PIK3R6: variants seen among roughly 807,000 people sequenced by gnomAD.
PIK3R6 encodes phosphoinositide 3-kinase regulatory subunit 6.
PIK3R6 carries 91 observed loss-of-function variants against 84.9 expected under a neutral mutation model. The ratio of observed to expected loss-of-function variants is 1.07; its 90% CI spans 0.90 to 1.28. The LOEUF (loss-of-function observed/expected upper bound fraction) is 1.28. Among genes scored for constraint, PIK3R6 ranks in the 50% most tolerant of loss-of-function variants. The pLI, the probability that PIK3R6 is intolerant of heterozygous loss-of-function variation, is 0.00. For missense variants in PIK3R6, 996 were observed against 985.1 expected, an observed-to-expected ratio of 1.01 and a Z score of -0.15; for synonymous variants, 416 against 411.4, an observed-to-expected ratio of 1.01 and a Z score of -0.13.
In PIK3R6 at chr17:8,839,843, G is replaced by A; in HGVS notation, c.14-146C>T. The stretch of plus-strand genomic sequence containing the variant: ...TCGACTTAGAGCTGGCAGCCAGCAT[G>A]CCAGCCAGGGCTGGAATATAGCCTT... On this transcript the variant is annotated intron_variant, in intron 2 of 19. Transcript: ENST00000619866. The surrounding 1 kb of genome is among the most constrained non-coding windows in gnomAD (Gnocchi z 4.2). 1.7e-6 allele frequency: 1 copy of A among 603,654 alleles called. No individual in the cohort carries two copies. Among genetic ancestry groups the A allele is most frequent in the Non-Finnish European group, 2.8e-6 (1 of 350,922 alleles). The allele number at this position is 603,654 out of a possible 1,614,324, so 37.4% of individuals were successfully genotyped here. A position where few individuals can be genotyped will look rare whatever the true frequency, so the allele number is the denominator to read the frequency against.
At chr17:8,840,775 C>T (rs1001202014) in intron 2 of PIK3R6, among the ~76,000 whole-genome samples, 15 of 141,088 alleles carry the variant, frequency 1.1e-4, no homozygotes, top group African/African-American at 3.2e-4. Flanking sequence ...GTGTGTGAGA[C>T]GGAGTCTAAC....
At chr17:8,814,215 CTTT>C (rs112750429) in intron 18 of PIK3R6, among the ~76,000 whole-genome samples, 8 of 85,534 alleles carry the variant, frequency 9.4e-5, no homozygotes, top group African/African-American at 1.9e-4. Flanking sequence ...AGAGAGAGAT[CTTT>C]TTTTTTTTTT....
chr17:8,816,958 G>A (rs2087561593), intron 18 of PIK3R6, among the ~76,000 whole-genome samples: 1 of 152,132 alleles, frequency 6.6e-6, no homozygotes, highest in African/African-American at 2.4e-5. Flanking sequence ...TAAGGAAATT[G>A]CTCACACTAC....
chr17:8,829,103 A>G, intron 10 of PIK3R6, 113 bp from the exon 11 acceptor site: 1 of 1,023,270 alleles, frequency 9.8e-7, no homozygotes, highest in Non-Finnish European at 1.4e-6. Context: ...AGACAGACAC[A>G]TAAAGACACA....
chr17:8,857,370 G>C (rs951051507), intron 1 of PIK3R6, among the ~76,000 whole-genome samples: 2 of 152,212 alleles, frequency 1.3e-5, no homozygotes, highest in African/African-American at 4.8e-5. Flanking sequence ...ACCAGGGCTA[G>C]AGCCCAGATC....
At chr17:8,819,006 C>A (rs1027046517) in intron 18 of PIK3R6, 77 bp downstream of exon 18, 5 of 1,094,834 alleles carry the variant, frequency 4.6e-6, no homozygotes, top group African/African-American at 1.6e-5. Context: ...TCTCTGAATG[C>A]CCTCCCCTCT....
At chr17:8,829,592 ACT>A (rs1179797939) in intron 10 of PIK3R6, 112 bp downstream of exon 10, 21 of 1,076,458 alleles carry the variant, frequency 2.0e-5, no homozygotes, top group African/African-American at 3.4e-5. Flanking sequence ...ACTGACACAC[ACT>A]CATGCATACA....
At position 8,828,039 on chromosome 17, in the gene PIK3R6, C is replaced by T. The variant is rs1045012265; in HGVS notation, c.1392+73G>A. 23 of 1,463,460 alleles carry T rather than the reference C, an allele frequency of 1.6e-5. No homozygotes were observed. The African/African-American group carries it at 2.1e-4, about 13-fold the overall frequency. 90.7% of individuals were successfully genotyped at this position (1,463,460 alleles called of 1,614,324 possible). A position where few individuals can be genotyped will look rare whatever the true frequency, so the allele number is the denominator to read the frequency against. ...CCCTGAGCCGGGGATGTGGGGGATG[C>T]GGGGCTGCAGGTGTGTCCCTGCCCA... is the stretch of plus-strand genomic sequence containing the variant. On this transcript the variant is annotated intron_variant, in intron 12 of 19. Coordinates refer to ENST00000619866, the MANE Select transcript of PIK3R6 (RefSeq NM_001010855.4).
rs1333418856 is a variant in PIK3R6 at position 8,839,140 on chromosome 17, G to C, written c.97+474C>G. Among the ~76,000 whole-genome samples, 1 of 152,138 alleles carries C rather than the reference G, an allele frequency of 6.6e-6. No individual in the cohort carries two copies. Among genetic ancestry groups the C allele is most frequent in the Non-Finnish European group, 1.5e-5 (1 of 68,030 alleles). ...AGACAGGCGGGTCACTTGCGGTCAG[G>C]AGTTCGAGACCAACCTGGCCAACAT... On this transcript the variant is annotated intron_variant, in intron 3 of 19. Coordinates refer to ENST00000619866, the MANE Select transcript of PIK3R6 (RefSeq NM_001010855.4). The surrounding 1 kb of genome is among the most constrained non-coding windows in gnomAD (Gnocchi z 4.2).
chr17:8,851,317 G>A (rs969642279), intron 1 of PIK3R6, among the ~76,000 whole-genome samples: 1 of 152,142 alleles, frequency 6.6e-6, no homozygotes, highest in Non-Finnish European at 1.5e-5. Context: ...CTAACATGGT[G>A]AAACCCTGTC....
rs762919741 is a variant in PIK3R6 at position 8,828,559 on chromosome 17, G to T, written c.1313+8C>A. ...CGCCCACCCCCAGCCCCCACGTCGG[G>T]GCCCCACCTGAGTCTGTGGTAGGCC... On this transcript the variant is annotated splice_region_variant and intron_variant, in intron 11 of 19. Transcript: ENST00000619866. The T allele has an allele frequency of 1.9e-6, 3 of 1,611,118 alleles. No individual in the cohort carries two copies. The South Asian group carries it at 3.3e-5, about 18-fold the overall frequency.
intron 17 of PIK3R6, among the ~76,000 whole-genome samples, chr17:8,821,406 C>T (rs979881308): frequency 3.0e-4 from 45 of 151,052 alleles, no homozygotes; most frequent in African/African-American, 9.7e-4. Flanking sequence ...TAATCCGTAT[C>T]GCCATCCTTT....
Position 8,827,997 on chromosome 17 carries a change from A to G in PIK3R6, c.1392+115T>C. 5 of 1,100,628 alleles carry G rather than the reference A, an allele frequency of 4.5e-6. No homozygotes were observed. The South Asian group carries it at 7.1e-5, about 16-fold the overall frequency. 68.2% of individuals were successfully genotyped at this position (1,100,628 alleles called of 1,614,324 possible). ...ACCTCTCTCCCGCCTCCACATTCTA[A>G]GGATGCTTACTCTAGTCCCTGAGCC... On this transcript the variant is annotated intron_variant, in intron 12 of 19. Transcript: ENST00000619866.
Position 8,828,955 on chromosome 17 carries a change from G to C in PIK3R6, c.925C>G (p.Gln309Glu). 3 of 1,503,668 alleles carry C rather than the reference G, an allele frequency of 2.0e-6. No homozygotes were observed. The highest frequency in any genetic ancestry group is 1.3e-5 in the South Asian group (1 of 74,374). 93.1% of individuals were successfully genotyped at this position (1,503,668 alleles called of 1,614,324 possible). A position where few individuals can be genotyped will look rare whatever the true frequency, so the allele number is the denominator to read the frequency against. The change falls in exon 11 of 20, where the codon CAG (glutamine) becomes GAG (glutamate). Residue 309 changes from glutamine to glutamate, a missense_variant. Coordinates refer to ENST00000619866, the MANE Select transcript of PIK3R6 (RefSeq NM_001010855.4). ...TCCAAGTCAGCACTGAGGCGCAGCT[G>C]GGATCTTGGGCGGAGGAAGAGCACC... ...ELVLFLRPRS[Q>E]LRLSADLEVL...
chr17:8,819,887 C>G (rs1597387481), intron 17 of PIK3R6, among the ~76,000 whole-genome samples: 1 of 145,192 alleles, frequency 6.9e-6, no homozygotes, highest in Non-Finnish European at 1.5e-5. Context: ...TATACACACA[C>G]ACGTATATAT....
intron 13 of PIK3R6, among the ~76,000 whole-genome samples, chr17:8,825,230 G>A (rs953664006): frequency 3.3e-5 from 5 of 152,146 alleles, no homozygotes; most frequent in African/African-American, 4.8e-5. Flanking sequence ...TGCTCCTAGA[G>A]AGAAAAACTC....
intron 1 of PIK3R6, among the ~76,000 whole-genome samples, chr17:8,855,231 CAATAA>C (rs1218233806): frequency 1.8e-5 from 2 of 108,774 alleles, no homozygotes; most frequent in Admixed American, 9.4e-5. Context: ...AACAAAACAA[CAATAA>C]AATAAAATAA....
In PIK3R6 at chr17:8,849,775, C is replaced by A; in HGVS notation, c.13+7G>T. 1 of 1,611,916 alleles carries A rather than the reference C, an allele frequency of 6.2e-7. No individual in the cohort carries two copies. Among genetic ancestry groups the A allele is most frequent in the South Asian group, 1.1e-5 (1 of 90,560 alleles). ...TCACTAGACCCCTTTCCCCCCACCACACTGACCTGAGCTCTCCATGGGAGC... is the reference window on the plus strand; with the variant it reads ...TCACTAGACCCCTTTCCCCCCACCAAACTGACCTGAGCTCTCCATGGGAGC... On this transcript the variant is annotated splice_region_variant and intron_variant, in intron 2 of 19. Transcript: ENST00000619866.
chr17:8,829,574 ACAGACACACT>A lies in PIK3R6; in HGVS notation c.889+122_889+131del, dbSNP rs1234035952. On this transcript the variant is annotated intron_variant, in intron 10 of 19. Transcript: ENST00000619866. Reference sequence around the variant, plus strand: ...CACACACTCATGCACACATACACACACAGACACACTGACACACACTCATGCATACACACAC... The same window carrying A: ...CACACACTCATGCACACATACACACAGACACACACTCATGCATACACACAC... The A allele has an allele frequency of 1.0e-4, 97 of 963,176 alleles. 1 individual carries two copies. The highest frequency in any genetic ancestry group is 9.7e-5 in the Non-Finnish European group (62 of 637,086). The allele number at this position is 963,176 out of a possible 1,614,324, so 59.7% of individuals were successfully genotyped here. A position where few individuals can be genotyped will look rare whatever the true frequency, so the allele number is the denominator to read the frequency against.
Sources: gnomAD v4.1 joint callset for allele counts (sites outside exome capture counted in the v4.1 genomes callset) on GRCh38, gnomAD v4.1.1 for gene constraint, Gnocchi (gnomAD v3.1) non-coding constraint, MANE v1.5 for transcripts, NCBI Gene and HGNC (gene_info 2026-07-23, HGNC 2026-07-21) for gene names.